MBNL1: variants seen among roughly 807,000 people sequenced by gnomAD.
MBNL1 encodes muscleblind-like protein 1.
In MBNL1, 8 loss-of-function variants were observed where a neutral mutation model predicts 42.2. That is an observed-to-expected ratio of 0.19 (90% CI 0.11 to 0.34). The LOEUF (loss-of-function observed/expected upper bound fraction) is 0.34, where lower values mean the gene tolerates loss of function less well. Among genes scored for constraint, MBNL1 ranks in the 10% least tolerant of loss-of-function variants. MBNL1 has a pLI of 1.00. For missense variants in MBNL1, 309 were observed against 495.3 expected, an observed-to-expected ratio of 0.62 and a Z score of 3.57; for synonymous variants, 169 against 173.9, an observed-to-expected ratio of 0.97 and a Z score of 0.22.
intron 2 of MBNL1, among the ~76,000 whole-genome samples, chr3:152,311,997 C>T (rs182202478): frequency 0.021 from 3,190 of 150,996 alleles, 111 homozygotes; most frequent in African/African-American, 0.073. Flanking sequence ...GAGACCATCC[C>T]GGCTAAAAAC....
At chr3:152,322,056 GA>G (rs2076776904) in intron 2 of MBNL1, among the ~76,000 whole-genome samples, 1 of 56,028 alleles carries the variant, frequency 1.8e-5, no homozygotes, top group African/African-American at 9.6e-5. Context: ...AAAAAATAAT[GA>G]AAACAGAGTT....
intron 2 of MBNL1, among the ~76,000 whole-genome samples, chr3:152,366,576 T>G (rs2096385256): frequency 6.6e-6 from 1 of 152,194 alleles, no homozygotes; most frequent in African/African-American, 2.4e-5. Context: ...GTTAGAAGAT[T>G]AATGAAGGAA....
chr3:152,294,278 C>CTTTTTTTTTTTTTTTTT (rs201018898), intron 1 of MBNL1, among the ~76,000 whole-genome samples: 1 of 121,072 alleles, frequency 8.3e-6, no homozygotes, highest in Non-Finnish European at 1.8e-5. Flanking sequence ...AAGTTTGATT[C>CTTTTTTTTTTTTTTTTT]TTTTTTTTTT....
At chr3:152,425,224 C>T (rs1027962818) in intron 3 of MBNL1, among the ~76,000 whole-genome samples, 1 of 149,070 alleles carries the variant, frequency 6.7e-6, no homozygotes, top group African/African-American at 2.5e-5. Flanking sequence ...AAAAAAAAAA[C>T]ATCAACAAGT....
chr3:152,320,057 C>T (rs2075463765), intron 2 of MBNL1, among the ~76,000 whole-genome samples: 1 of 151,972 alleles, frequency 6.6e-6, no homozygotes, highest in Non-Finnish European at 1.5e-5. Context: ...TTATAAACTC[C>T]TTAAGAATGA....
chr3:152,247,943 A>G (rs2033530945), intron 2 of MBNL1, among the ~76,000 whole-genome samples: 1 of 151,962 alleles, frequency 6.6e-6, no homozygotes, highest in Non-Finnish European at 1.5e-5. Flanking sequence ...AACCAGTATA[A>G]AATTTCATAC....
chr3:152,341,597 G>C (rs1347661766), intron 2 of MBNL1, among the ~76,000 whole-genome samples: 1 of 152,102 alleles, frequency 6.6e-6, no homozygotes, highest in Non-Finnish European at 1.5e-5. Context: ...CTTCTGTTCT[G>C]TTCTGTTTTT....
chr3:152,380,445 C>T (rs1033909676), intron 2 of MBNL1, among the ~76,000 whole-genome samples: 3 of 151,882 alleles, frequency 2.0e-5, no homozygotes, highest in African/African-American at 4.8e-5. Flanking sequence ...AAAGGGGAAT[C>T]GACAGGGAAA....
intron 2 of MBNL1, among the ~76,000 whole-genome samples, chr3:152,352,493 T>C (rs112901197): frequency 1.0e-3 from 154 of 151,788 alleles, no homozygotes; most frequent in African/African-American, 3.6e-3. Context: ...CCAACCTCCC[T>C]GGAGTTTTTA....
At chr3:152,389,523 G>A (rs1210316573) in intron 2 of MBNL1, among the ~76,000 whole-genome samples, 2 of 152,170 alleles carry the variant, frequency 1.3e-5, no homozygotes, top group Non-Finnish European at 2.9e-5. Flanking sequence ...ACATATCCAG[G>A]CTATGTGGTT....
At chr3:152,377,999 T>C (rs1221274381) in intron 2 of MBNL1, among the ~76,000 whole-genome samples, 1 of 152,164 alleles carries the variant, frequency 6.6e-6, no homozygotes, top group African/African-American at 2.4e-5. Flanking sequence ...AAGTAACAGT[T>C]TCTAAGAACC....
chr3:152,289,965 CATTGT>C (rs150566228), intron 1 of MBNL1, among the ~76,000 whole-genome samples: 10,771 of 151,952 alleles, frequency 0.071, 495 homozygotes, highest in Middle Eastern at 0.17. Flanking sequence ...TGGTTTTAGT[CATTGT>C]ATTCTGAAAA....
intron 7 of MBNL1, among the ~76,000 whole-genome samples, chr3:152,455,878 GAAA>G (rs1371033714): frequency 1.3e-5 from 2 of 151,020 alleles, no homozygotes; most frequent in Admixed American, 6.6e-5. Context: ...TAGTAAATGA[GAAA>G]AAAATACTTT....
intron 2 of MBNL1, among the ~76,000 whole-genome samples, chr3:152,414,574 A>G (rs892184975): frequency 2.0e-5 from 3 of 152,328 alleles, no homozygotes; most frequent in Middle Eastern, 6.8e-3. Flanking sequence ...TTCTTAAATC[A>G]TTAAATTTAA....
chr3:152,282,541 A>C (rs1364604995), intron 1 of MBNL1, among the ~76,000 whole-genome samples: 1 of 152,196 alleles, frequency 6.6e-6, no homozygotes, highest in African/African-American at 2.4e-5. Flanking sequence ...TTGAATACAT[A>C]ATGGTAAACA....
At chr3:152,351,343 C>T (rs951469940) in intron 2 of MBNL1, among the ~76,000 whole-genome samples, 2 of 152,082 alleles carry the variant, frequency 1.3e-5, no homozygotes, top group East Asian at 3.9e-4. Context: ...AAGCACAAAT[C>T]CCTTGATTAG....
chr3:152,358,015 G>A (rs997985190), intron 2 of MBNL1, among the ~76,000 whole-genome samples: 19 of 152,256 alleles, frequency 1.2e-4, no homozygotes, highest in African/African-American at 3.6e-4. Context: ...GTGTGCGCAC[G>A]CACGTGCGTG....
At chr3:152,336,232 ATTTAC>A (rs1165591878) in intron 2 of MBNL1, among the ~76,000 whole-genome samples, 4 of 152,068 alleles carry the variant, frequency 2.6e-5, no homozygotes, top group South Asian at 2.1e-4. Flanking sequence ...GACAATGTTT[ATTTAC>A]TTCTCTTCCA....
chr3:152,461,018 AACAAATGAATGTGG>A (rs1744817736), intron 9 of MBNL1, among the ~76,000 whole-genome samples: 1 of 152,222 alleles, frequency 6.6e-6, no homozygotes, highest in South Asian at 2.1e-4. Flanking sequence ...AGGATCCGTA[AACAAATGAATGTGG>A]ACAATGAAGG....
Sources: allele counts gnomAD v4.1 joint callset (sites outside exome capture counted in the v4.1 genomes callset), GRCh38; gene constraint gnomAD v4.1.1; transcripts MANE v1.5; gene names NCBI Gene and HGNC (gene_info 2026-07-23, HGNC 2026-07-21).